Variants in DISC1 observed in about 807,000 individuals in gnomAD.
DISC1 encodes the protein disrupted in schizophrenia 1 protein.
Under a neutral mutation model 84.5 loss-of-function variants are expected in DISC1, and 57 were observed. The ratio of observed to expected loss-of-function variants is 0.67; its 90% confidence interval spans 0.55 to 0.84. The LOEUF (loss-of-function observed/expected upper bound fraction) is 0.84, where lower values mean the gene tolerates loss of function less well. Among genes scored for constraint, DISC1 ranks in the 40% least tolerant of loss-of-function variants. The pLI is 0.00. For missense variants in DISC1, 1,000 were observed against 1,057.8 expected (o/e 0.95, Z 0.76); for synonymous variants, 411 against 415.2 (o/e 0.99, Z 0.12).
rs1666443378 is a variant in DISC1, at chr1:231,999,857, ACT to A, written c.2043-8926_2043-8925del. Among the ~76,000 whole-genome samples the A allele has an allele frequency of 4.0e-5, 6 of 149,872 alleles. No individual in the cohort carries two copies. The South Asian group carries it at 1.3e-3, about 32-fold the overall frequency. ...AACAACAACAACAACAAAACAACCA[ACT>A]CCAAAACAAAACTCGAAGGCAAACA... On this transcript the variant is annotated intron_variant, in intron 10 of 12. Coordinates refer to ENST00000439617, the MANE Select transcript of DISC1 (RefSeq NM_018662.3).
chr1:231,951,920 A>C (rs557105559), intron 9 of DISC1, among the ~76,000 whole-genome samples: 10 of 151,798 alleles, frequency 6.6e-5, no homozygotes, highest in South Asian at 6.3e-4. Context: ...TTAAAAAAAA[A>C]ATTAGCTGGG....
rs531188272 is a variant in DISC1 at position 231,762,947 on chromosome 1, G to A, written c.1269-4193G>A. 2.6e-5 allele frequency among the ~76,000 whole-genome samples: 4 copies of A among 152,286 alleles called. No individual in the cohort carries two copies. In the South Asian group the frequency reaches 6.2e-4, roughly 24 times the overall value. ...AGAAGGTAAGGTTCAGAGAGATTAG[G>A]TAAGTGCGGTGACACGGTGTGAAAA... On this transcript the variant is annotated intron_variant, in intron 4 of 12. Transcript: ENST00000439617.
At chr1:231,882,451 T>C (rs1027578823) in intron 9 of DISC1, among the ~76,000 whole-genome samples, 17 of 152,230 alleles carry the variant, frequency 1.1e-4, no homozygotes, top group African/African-American at 4.1e-4. Context: ...AAAATGTGTT[T>C]GATTTTTCTG....
chr1:231,785,657 C>T (rs1261107222), intron 6 of DISC1, among the ~76,000 whole-genome samples: 2 of 152,144 alleles, frequency 1.3e-5, no homozygotes, highest in East Asian at 3.8e-4. Flanking sequence ...TCATTTTGCT[C>T]TTTCCATCAT....
intron 1 of DISC1, among the ~76,000 whole-genome samples, chr1:231,668,896 A>G (rs1393733061): frequency 3.3e-5 from 5 of 152,154 alleles, no homozygotes; most frequent in Non-Finnish European, 5.9e-5. Flanking sequence ...GCCATTTCCT[A>G]TGGCAGTCTT....
chr1:231,946,036 A>G (rs2126144424), intron 9 of DISC1, among the ~76,000 whole-genome samples: 1 of 152,356 alleles, frequency 6.6e-6, no homozygotes, highest in East Asian at 1.9e-4. Context: ...AGAGGTACAA[A>G]GAGGAGCTGG....
chr1:231,968,884 G>A (rs1005644567), intron 10 of DISC1, among the ~76,000 whole-genome samples: 1 of 152,070 alleles, frequency 6.6e-6, no homozygotes, highest in Non-Finnish European at 1.5e-5. Context: ...GGTTAATGCA[G>A]CTCTTAAAGA....
At chr1:231,997,745 C>T (rs1238677338) in intron 10 of DISC1, among the ~76,000 whole-genome samples, 3 of 152,084 alleles carry the variant, frequency 2.0e-5, no homozygotes, top group Non-Finnish European at 4.4e-5. Flanking sequence ...GATGATTCCC[C>T]CAGAGGCTCT....
At chr1:232,020,668 G>A (rs1028003732) in intron 11 of DISC1, among the ~76,000 whole-genome samples, 6 of 152,134 alleles carry the variant, frequency 3.9e-5, no homozygotes, top group African/African-American at 1.4e-4. Context: ...GGCTTAAACA[G>A]AAATGTCAGT....
In DISC1 at chr1:232,036,868, G is replaced by A; in HGVS notation, c.*37G>A. ...ATGGGGGAGGGAGGTGGGCCACCAT[G>A]TTTGGACCCGGGGGGCTGCTCTTCC... On this transcript the variant is annotated 3_prime_UTR_variant, in exon 13 of 13. Transcript: ENST00000439617. 6.7e-7 allele frequency: 1 copy of A among 1,482,250 alleles called. No individual in the cohort carries two copies. Among genetic ancestry groups the A allele is most frequent in the Non-Finnish European group, 9.1e-7 (1 of 1,100,182 alleles). The allele number at this position is 1,482,250 out of a possible 1,614,324, so 91.8% of individuals were successfully genotyped here.
At chr1:231,756,516 C>CGAGAGAGAGAGAGAGAGAGAGA (rs60818301) in intron 4 of DISC1, among the ~76,000 whole-genome samples, 1 of 133,442 alleles carries the variant, frequency 7.5e-6, no homozygotes, top group African/African-American at 3.0e-5. Context: ...ATGTGAATAT[C>CGAGAGAGAGAGAGAGAGAGAGA]GAGAGAGAGA....
Position 231,833,457 on chromosome 1 carries a change from T to G in DISC1, c.1981+14940T>G, listed in dbSNP as rs537252954. 1.6e-4 allele frequency among the ~76,000 whole-genome samples: 25 copies of G among 151,822 alleles called. 1 individual carries two copies. Among genetic ancestry groups the G allele is most frequent in the African/African-American group, 3.2e-4 (13 of 41,136 alleles). ...GGTCTAGGGGGCTTCCAAGGCGATT[T>G]GGCAGTGTCAGTCTTCAGCTGCTAA... On this transcript the variant is annotated intron_variant, in intron 9 of 12. Coordinates refer to ENST00000439617, the MANE Select transcript of DISC1 (RefSeq NM_018662.3).
intron 9 of DISC1, among the ~76,000 whole-genome samples, chr1:231,933,117 TGAC>T (rs1449068039): frequency 1.3e-5 from 2 of 152,224 alleles, no homozygotes; most frequent in East Asian, 3.9e-4. Flanking sequence ...ATTATTTCCT[TGAC>T]TCCTTATAGA....
chr1:231,861,964 G>T (rs541087613), intron 9 of DISC1, among the ~76,000 whole-genome samples: 28 of 152,238 alleles, frequency 1.8e-4, no homozygotes, highest in South Asian at 1.2e-3. Flanking sequence ...GTCCTGATTG[G>T]CAACGTCTGG....
At chr1:231,961,885 G>A (rs1558785086) in intron 10 of DISC1, among the ~76,000 whole-genome samples, 1 of 152,172 alleles carries the variant, frequency 6.6e-6, no homozygotes, top group Non-Finnish European at 1.5e-5. Flanking sequence ...TTCTCTTTTG[G>A]ATATATACCC....
At chr1:232,001,310 C>A (rs113312689) in intron 10 of DISC1, among the ~76,000 whole-genome samples, 55 of 152,176 alleles carry the variant, frequency 3.6e-4, no homozygotes, top group African/African-American at 1.1e-3. Context: ...AACTCCTGAC[C>A]TCAGGTGATC....
chr1:231,629,802 T>G (rs1179911628), intron 1 of DISC1, among the ~76,000 whole-genome samples: 1 of 152,246 alleles, frequency 6.6e-6, no homozygotes, highest in Non-Finnish European at 1.5e-5. Context: ...TTTTCTTTTT[T>G]TAAAATCTAA....
intron 1 of DISC1, among the ~76,000 whole-genome samples, chr1:231,680,601 T>A (rs2063593404): frequency 6.6e-6 from 1 of 152,220 alleles, no homozygotes; most frequent in Non-Finnish European, 1.5e-5. Context: ...GCAGAACATT[T>A]GCAATTTTAT....
chr1:231,634,554 G>A (rs2059027153), intron 1 of DISC1, among the ~76,000 whole-genome samples: 1 of 152,180 alleles, frequency 6.6e-6, no homozygotes, highest in South Asian at 2.1e-4. Flanking sequence ...TAGAGCATCT[G>A]TATTCAATTT....
Sources: allele counts gnomAD v4.1 joint callset (sites outside exome capture counted in the v4.1 genomes callset), GRCh38; gene constraint gnomAD v4.1.1; transcripts MANE v1.5; gene names NCBI Gene and HGNC (gene_info 2026-07-23, HGNC 2026-07-21).